The following TBC1D4 variants were observed in gnomAD, a reference collection of about 807,000 sequenced individuals.
TBC1D4 encodes the protein TBC1 domain family member 4.
In TBC1D4, 121 loss-of-function variants were observed where a neutral mutation model predicts 142.5. The ratio of observed to expected loss-of-function variants is 0.85; its 90% CI spans 0.73 to 0.99. The LOEUF (loss-of-function observed/expected upper bound fraction) is 0.99. Ranked by LOEUF, TBC1D4 falls within the 50% of genes least tolerant of loss-of-function variation. TBC1D4 has a pLI of 0.00. For synonymous variants in TBC1D4, 630 were observed against 628.2 expected (o/e 1.00, Z -0.04); for missense variants, 1,475 against 1,606.6 (o/e 0.92, Z 1.40).
At chr13:75,416,001 C>T (rs1885900641) in intron 1 of TBC1D4, among the ~76,000 whole-genome samples, 1 of 152,206 alleles carries the variant, frequency 6.6e-6, no homozygotes, top group African/African-American at 2.4e-5. Context: ...TTGTGCAATA[C>T]ACTTTGATTT....
At chr13:75,302,101 C>T (rs1876625717) in intron 16 of TBC1D4, 142 bp downstream of exon 16, 2 of 991,878 alleles carry the variant, frequency 2.0e-6, no homozygotes, top group Non-Finnish European at 3.0e-6. Context: ...CCAACTTGCC[C>T]TCAGTAAAGG....
intron 1 of TBC1D4, among the ~76,000 whole-genome samples, chr13:75,470,234 G>T (rs1027985176): frequency 1.3e-5 from 2 of 152,122 alleles, no homozygotes; most frequent in Non-Finnish European, 2.9e-5. Context: ...TGTCACAAAT[G>T]CTCAGCACTG....
At chr13:75,397,798 T>C (rs1312974115) in intron 1 of TBC1D4, among the ~76,000 whole-genome samples, 1 of 152,228 alleles carries the variant, frequency 6.6e-6, no homozygotes, top group Admixed American at 6.5e-5. Context: ...TATAGTAGAC[T>C]AGAGATGGCT....
chr13:75,343,734 TC>T (rs1378236232), intron 5 of TBC1D4, among the ~76,000 whole-genome samples: 14 of 152,310 alleles, frequency 9.2e-5, no homozygotes, highest in African/African-American at 3.4e-4. Context: ...CAGGCTGGGC[TC>T]CAACTCCTGA....
intron 1 of TBC1D4, chr13:75,375,898 G>A (rs1205702465): frequency 1.3e-5 from 2 of 151,766 alleles, no homozygotes; most frequent in Non-Finnish European, 2.9e-5. Flanking sequence ...AGAGAAGCTA[G>A]GAAATGTAGT....
At chr13:75,307,884 T>C (rs1193577409) in intron 14 of TBC1D4, among the ~76,000 whole-genome samples, 1 of 152,216 alleles carries the variant, frequency 6.6e-6, no homozygotes, top group Non-Finnish European at 1.5e-5. Context: ...TTTTAAAAGG[T>C]GTGGCTTTAT....
At chr13:75,300,109 A>G (rs777788687) in intron 16 of TBC1D4, among the ~76,000 whole-genome samples, 5 of 152,228 alleles carry the variant, frequency 3.3e-5, no homozygotes, top group Non-Finnish European at 7.3e-5. Flanking sequence ...ACTGTCATTC[A>G]GAAGAAAACT....
chr13:75,291,878 G>T (rs575053375), intron 19 of TBC1D4, among the ~76,000 whole-genome samples: 13 of 152,268 alleles, frequency 8.5e-5, no homozygotes, highest in Admixed American at 2.6e-4. Context: ...GGTTTAAATT[G>T]AAAGGATTCC....
intron 12 of TBC1D4, among the ~76,000 whole-genome samples, chr13:75,317,799 C>T (rs985150824): frequency 2.6e-5 from 4 of 152,126 alleles, no homozygotes; most frequent in African/African-American, 9.7e-5. Context: ...TGTATATATA[C>T]TCCCTCTTAC....
chr13:75,309,973 A>G lies in TBC1D4; in HGVS notation c.2562T>C (p.Leu854=). ...RKAIHQQILL[L]RMEKENQKLE... is the part of the protein sequence containing the mutation. ...GTTTCTGGTTTTCTTTTTCCATTCG[A>G]AGTAACAAGATTTGTTGGTGTATAG... The change falls in exon 14 of 21, where the codon CTT becomes CTC. Residue 854 remains leucine, a synonymous_variant. Coordinates refer to ENST00000377636, the MANE Select transcript of TBC1D4 (RefSeq NM_014832.5). 1 of 1,614,110 alleles carries G rather than the reference A, an allele frequency of 6.2e-7. No homozygotes were observed. Among genetic ancestry groups the G allele is most frequent in the South Asian group, 1.1e-5 (1 of 91,080 alleles).
chr13:75,426,448 G>T (rs2138141506), intron 1 of TBC1D4, among the ~76,000 whole-genome samples: 1 of 152,326 alleles, frequency 6.6e-6, no homozygotes, highest in African/African-American at 2.4e-5. Flanking sequence ...AACCCTATTT[G>T]TTATTGGCTA....
rs191264958 is a variant in TBC1D4 at position 75,345,615 on chromosome 13, G to A, written c.1408+3555C>T. On this transcript the variant is annotated intron_variant, in intron 5 of 20. Coordinates refer to ENST00000377636, the MANE Select transcript of TBC1D4 (RefSeq NM_014832.5). ...TTTAAAAAGGTATCTAAAACTGGCCGGGCACAGTGGCTCACAACTGTAATC... is the reference window on the plus strand; with the variant it reads ...TTTAAAAAGGTATCTAAAACTGGCCAGGCACAGTGGCTCACAACTGTAATC... Among the ~76,000 whole-genome samples, 153 of 151,890 alleles carry A rather than the reference G, an allele frequency of 1.0e-3. 1 individual carries two copies. Among genetic ancestry groups the A allele is most frequent in the Middle Eastern group, 3.4e-3 (1 of 292 alleles).
intron 15 of TBC1D4, 35 bp downstream of exon 15, chr13:75,306,278 T>C: frequency 6.4e-7 from 1 of 1,564,588 alleles, no homozygotes; most frequent in African/African-American, 1.4e-5. Context: ...GGCTTTTCTT[T>C]AAAAAACAAA....
At chr13:75,406,544 G>A (rs937831144) in intron 1 of TBC1D4, among the ~76,000 whole-genome samples, 8 of 152,264 alleles carry the variant, frequency 5.3e-5, no homozygotes, top group African/African-American at 1.9e-4. Flanking sequence ...AACCTCTGAC[G>A]CTAAGTGTTG....
At chr13:75,317,934 T>G (rs1878450993) in intron 12 of TBC1D4, among the ~76,000 whole-genome samples, 1 of 152,188 alleles carries the variant, frequency 6.6e-6, no homozygotes. Flanking sequence ...AAGTCCTTTG[T>G]ATATAGGATC....
At position 75,326,272 on chromosome 13, in the gene TBC1D4, T is replaced by A; in HGVS notation, c.1958A>T (p.Lys653Met). The part of the protein sequence containing the change: ...FSHPPSSTKR[K>M]LNLQDGRAQG... The stretch of plus-strand genomic sequence containing the variant: ...AGCCCTCCCATCCTGCAAATTCAGC[T>A]TTCTCTTTGTGCTTGAAGGTGGGTG... Residue 653 changes from lysine (K) to methionine (M), a missense_variant, in exon 10 of 21, where the codon AAG becomes ATG. Coordinates refer to ENST00000377636, the MANE Select transcript of TBC1D4 (RefSeq NM_014832.5). The A allele has an allele frequency of 1.3e-5, 21 of 1,614,140 alleles. No homozygotes were observed. Among genetic ancestry groups the A allele is most frequent in the Non-Finnish European group, 1.8e-5 (21 of 1,180,024 alleles).
chr13:75,429,166 G>A (rs1002423785), intron 1 of TBC1D4, among the ~76,000 whole-genome samples: 3 of 152,114 alleles, frequency 2.0e-5, no homozygotes, highest in Non-Finnish European at 2.9e-5. Flanking sequence ...GTAAAATCAC[G>A]TGTTGGAGAA....
At chr13:75,333,705 T>G (rs1879956057) in intron 8 of TBC1D4, among the ~76,000 whole-genome samples, 1 of 152,226 alleles carries the variant, frequency 6.6e-6, no homozygotes, top group Admixed American at 6.5e-5. Context: ...ATCTTCAGAC[T>G]TCACTCCAAT....
chr13:75,388,335 A>G (rs1223990815), intron 1 of TBC1D4, among the ~76,000 whole-genome samples: 3 of 152,338 alleles, frequency 2.0e-5, no homozygotes, highest in African/African-American at 7.2e-5. Flanking sequence ...AGTTCTGCCT[A>G]CCACACAACT....
Sources: allele counts gnomAD v4.1 joint callset (sites outside exome capture counted in the v4.1 genomes callset), GRCh38; gene constraint gnomAD v4.1.1; transcripts MANE v1.5; gene names NCBI Gene and HGNC (gene_info 2026-07-23, HGNC 2026-07-21).